Variants in PUM1 observed in about 807,000 individuals in gnomAD.
PUM1 encodes the protein pumilio RNA binding family member 1.
A neutral mutation model predicts 131.8 loss-of-function variants in PUM1; 13 were observed. The observed-to-expected ratio is 0.10, with a 90% CI of 0.06 to 0.16. PUM1 has a LOEUF of 0.16. Among genes scored for constraint, PUM1 ranks in the 10% least tolerant of loss-of-function variants. The pLI is 1.00. For synonymous variants in PUM1, 509 were observed against 556.5 expected (o/e 0.91, Z 1.20); for missense variants, 961 against 1,512.4 (o/e 0.64, Z 6.05).
At chr1:31,044,959 G>A (rs982175677) in intron 2 of PUM1, among the ~76,000 whole-genome samples, 7 of 152,036 alleles carry the variant, frequency 4.6e-5, no homozygotes, top group African/African-American at 7.2e-5. Context: ...AAAGGCATGC[G>A]CCACCACGCC....
At chr1:30,961,627 A>T (rs1054929172) in intron 14 of PUM1, among the ~76,000 whole-genome samples, 12 of 152,148 alleles carry the variant, frequency 7.9e-5, no homozygotes, top group East Asian at 3.8e-4. Flanking sequence ...AGTGATTTTT[A>T]AAAAAATAAT....
intron 11 of PUM1, among the ~76,000 whole-genome samples, chr1:30,967,634 C>T (rs1427688789): frequency 6.6e-6 from 1 of 152,136 alleles, no homozygotes; most frequent in Non-Finnish European, 1.5e-5. Context: ...TGAAAAACTG[C>T]AGGTGACTTC....
At chr1:31,034,536 G>A (rs564461262) in intron 2 of PUM1, among the ~76,000 whole-genome samples, 50 of 152,230 alleles carry the variant, frequency 3.3e-4, no homozygotes, top group African/African-American at 1.1e-3. Flanking sequence ...AAAGGTAGCA[G>A]TCAACATAGA....
In PUM1 at chr1:30,942,055, A is replaced by G. The variant is rs765987893; in HGVS notation, c.3063T>C (p.Pro1021=). ...CCTCTAAAATAGGGAGTGTCTGGTC[A>G]GGGAGACAGTGCTCCAGGATTCTCT... is the stretch of plus-strand genomic sequence containing the variant. ...VIQRILEHCL[P]DQTLPILEEL... Residue 1021 remains proline (P), a synonymous_variant, in exon 19 of 22, where the codon CCT becomes CCC. Transcript: ENST00000426105. 2.5e-5 allele frequency: 40 copies of G among 1,602,208 alleles called. 1 individual carries two copies. In the South Asian group the frequency reaches 4.2e-4, roughly 17 times the overall value.
intron 7 of PUM1, chr1:30,982,275 T>C (rs1641385837): frequency 6.6e-6 from 1 of 152,146 alleles, no homozygotes; most frequent in Non-Finnish European, 1.5e-5. Context: ...AACAAATATT[T>C]ATGAAACAAA....
intron 2 of PUM1, among the ~76,000 whole-genome samples, chr1:31,049,121 C>CTTGAGGT (rs1644043823): frequency 3.3e-5 from 5 of 152,118 alleles, no homozygotes; most frequent in Non-Finnish European, 2.9e-5. Flanking sequence ...AGGAGAATCA[C>CTTGAGGT]CTGAACCTGG....
chr1:31,009,874 T>C (rs574621248), intron 3 of PUM1, among the ~76,000 whole-genome samples: 7 of 152,074 alleles, frequency 4.6e-5, no homozygotes, highest in African/African-American at 1.7e-4. Flanking sequence ...ATCCATAATT[T>C]GTAAAATTGC....
chr1:30,970,971 A>C (rs1640852781), intron 10 of PUM1, among the ~76,000 whole-genome samples: 1 of 152,198 alleles, frequency 6.6e-6, no homozygotes, highest in African/African-American at 2.4e-5. Flanking sequence ...GAAGGAAAAC[A>C]GTGTTAGCTT....
chr1:31,057,205 T>C (rs1428258978), intron 2 of PUM1, among the ~76,000 whole-genome samples: 1 of 151,628 alleles, frequency 6.6e-6, no homozygotes, highest in East Asian at 1.9e-4. Context: ...GGGCTCAAAG[T>C]AGAGCCTGGC....
intron 8 of PUM1, 111 bp downstream of exon 8, chr1:30,981,201 G>A (rs1641342807): frequency 1.7e-6 from 1 of 602,272 alleles, no homozygotes; most frequent in Non-Finnish European, 2.8e-6. Context: ...CTGTCTGAGG[G>A]ATTTGTCTGA....
intron 17 of PUM1, among the ~76,000 whole-genome samples, chr1:30,947,685 T>C (rs1639738240): frequency 6.6e-6 from 1 of 152,186 alleles, no homozygotes; most frequent in African/African-American, 2.4e-5. Context: ...AGTGGATTTA[T>C]GTTAGAAGAC....
chr1:30,992,285 G>T, intron 7 of PUM1, 105 bp downstream of exon 7: 2 of 1,438,940 alleles, frequency 1.4e-6, no homozygotes, highest in Non-Finnish European at 1.9e-6. Context: ...GCTATGGATA[G>T]CCTGAAACAA....
chr1:31,042,132 C>G (rs1231126545), intron 2 of PUM1, among the ~76,000 whole-genome samples: 2 of 151,860 alleles, frequency 1.3e-5, no homozygotes, highest in Non-Finnish European at 2.9e-5. Flanking sequence ...TGGTTGGAAC[C>G]CTGTCTCTAC....
At chr1:31,028,943 T>C in intron 2 of PUM1, 79 bp from the exon 3 acceptor site, 1 of 1,132,848 alleles carries the variant, frequency 8.8e-7, no homozygotes, top group Non-Finnish European at 1.3e-6. Flanking sequence ...CAATTGAAAA[T>C]TTATTCTATG....
intron 10 of PUM1, among the ~76,000 whole-genome samples, chr1:30,969,316 CAAAAAAAAAAA>C (rs763999971): frequency 2.0e-5 from 1 of 51,180 alleles, no homozygotes. Flanking sequence ...AACACACACA[CAAAAAAAAAAA>C]AAAAAAAAAG....
intron 7 of PUM1, among the ~76,000 whole-genome samples, chr1:30,985,988 T>C (rs997799731): frequency 6.6e-6 from 1 of 151,774 alleles, no homozygotes; most frequent in African/African-American, 2.4e-5. Flanking sequence ...AGAGTGAGAC[T>C]CTGTCCCCGG....
Position 30,933,118 on chromosome 1 carries a change from A to G in PUM1, c.*93T>C. ...CCTGGAGCAACCACTTGCCCGTCTCAGACTCTACACTAGAACATTTCTGGT... is the reference window on the plus strand; with the variant it reads ...CCTGGAGCAACCACTTGCCCGTCTCGGACTCTACACTAGAACATTTCTGGT... On this transcript the variant is annotated 3_prime_UTR_variant, in exon 22 of 22. Transcript: ENST00000426105. 1 of 1,448,900 alleles carries G rather than the reference A, an allele frequency of 6.9e-7. No homozygotes were observed. Among genetic ancestry groups the G allele is most frequent in the Non-Finnish European group, 9.2e-7 (1 of 1,083,894 alleles). 89.8% of individuals were successfully genotyped at this position (1,448,900 alleles called of 1,614,324 possible).
In PUM1 at chr1:31,026,682, A is replaced by T. The variant is rs192694317; in HGVS notation, c.432+2114T>A. On this transcript the variant is annotated intron_variant, in intron 3 of 21. Transcript: ENST00000426105. The stretch of plus-strand genomic sequence containing the variant: ...AGGGAAGAATCCTATCACTTACTAG[A>T]TGTGTTACCTTTGGCAAATTATTTC... Among the ~76,000 whole-genome samples, 7 of 152,292 alleles carry T rather than the reference A, an allele frequency of 4.6e-5. No individual in the cohort carries two copies. The East Asian group carries it at 1.3e-3, about 29-fold the overall frequency.
intron 21 of PUM1, 135 bp from the exon 22 acceptor site, chr1:30,933,477 CACA>C (rs1639055382): frequency 5.8e-6 from 5 of 856,372 alleles, no homozygotes; most frequent in African/African-American, 3.4e-5. Flanking sequence ...CACACACACA[CACA>C]CACACCCCTA....
Sources: allele counts gnomAD v4.1 joint callset (sites outside exome capture counted in the v4.1 genomes callset), GRCh38; gene constraint gnomAD v4.1.1; transcripts MANE v1.5; gene names NCBI Gene and HGNC (gene_info 2026-07-23, HGNC 2026-07-21).